The following ARHGAP10 variants were observed in gnomAD, a reference collection of about 807,000 sequenced individuals.
ARHGAP10 encodes rho GTPase-activating protein 10.
ARHGAP10 carries 87 observed loss-of-function variants against 108.6 expected under a neutral mutation model. The ratio of observed to expected loss-of-function variants is 0.80; its 90% confidence interval spans 0.67 to 0.96. ARHGAP10 has a LOEUF of 0.96. Among genes scored for constraint, ARHGAP10 ranks in the 40% least tolerant of loss-of-function variants. The pLI is 0.00. For missense variants in ARHGAP10, 939 were observed against 954.5 expected, an observed-to-expected ratio of 0.98 and a Z score of 0.21; for synonymous variants, 347 against 341.1, an observed-to-expected ratio of 1.02 and a Z score of -0.19.
chr4:147,979,116 ATT>A (rs1347119881), intron 18 of ARHGAP10, among the ~76,000 whole-genome samples: 1 of 151,930 alleles, frequency 6.6e-6, no homozygotes, highest in East Asian at 1.9e-4. Context: ...GTCTTCATAA[ATT>A]TTTTGCCTAG....
At chr4:147,798,721 GACACTCTCTCTCTCTCTCTCTC>G (rs1350481462) in intron 1 of ARHGAP10, among the ~76,000 whole-genome samples, 3 of 116,158 alleles carry the variant, frequency 2.6e-5, no homozygotes, top group African/African-American at 1.5e-4. Context: ...AGGAGTTTGA[GACACTCTCTCTCTCTCTCTCTC>G]TCTCTCTCTC....
intron 20 of ARHGAP10, among the ~76,000 whole-genome samples, chr4:148,058,883 A>G (rs148716174): frequency 2.2e-4 from 33 of 152,342 alleles, no homozygotes; most frequent in African/African-American, 7.7e-4. Context: ...CTCTTTTTAA[A>G]GAAGAGAGTT....
At chr4:147,764,099 G>A (rs767934361) in intron 1 of ARHGAP10, among the ~76,000 whole-genome samples, 2 of 152,138 alleles carry the variant, frequency 1.3e-5, no homozygotes, top group African/African-American at 4.8e-5. Flanking sequence ...ATCAAAATCA[G>A]CTGAATAGAG....
intron 1 of ARHGAP10, among the ~76,000 whole-genome samples, chr4:147,788,320 G>A (rs988551889): frequency 7.9e-5 from 12 of 152,044 alleles, no homozygotes; most frequent in East Asian, 1.9e-4. Context: ...GGTGGCATGC[G>A]CCTGTAATCT....
rs746062884 is a variant in ARHGAP10, at chr4:148,063,251, C to T, written c.2131C>T (p.Pro711Ser). ...GACACCTCTTTCACCCGGGTCGTCC[C>T]CTTTCCCCTTTTCTCCTCCTGCTAC... is the stretch of plus-strand genomic sequence containing the variant. The part of the protein sequence containing the change: ...AVTPLSPGSS[P>S]FPFSPPATVA... The change falls in exon 21 of 23, where the codon CCT (proline) becomes TCT (serine). Residue 711 changes from proline to serine, a missense_variant. Pro to Ser is a moderately conservative substitution (Grantham distance 74, BLOSUM62 -1). Coordinates refer to ENST00000336498, the MANE Select transcript of ARHGAP10 (RefSeq NM_024605.4). The T allele has an allele frequency of 6.2e-7, 1 of 1,614,190 alleles. No homozygotes were observed. The highest frequency in any genetic ancestry group is 1.3e-5 in the African/African-American group (1 of 75,042).
chr4:148,071,227 G>C (rs1291475863), intron 22 of ARHGAP10, among the ~76,000 whole-genome samples: 1 of 152,252 alleles, frequency 6.6e-6, no homozygotes, highest in Non-Finnish European at 1.5e-5. Flanking sequence ...ATTCACTGCA[G>C]TTGACATGCA....
At chr4:148,041,695 T>C (rs1426434737) in intron 19 of ARHGAP10, among the ~76,000 whole-genome samples, 1 of 152,224 alleles carries the variant, frequency 6.6e-6, no homozygotes, top group Non-Finnish European at 1.5e-5. Flanking sequence ...CTTGTTCATG[T>C]GCTCAGGCTC....
chr4:147,998,826 T>C (rs74331713), intron 18 of ARHGAP10, among the ~76,000 whole-genome samples: 6 of 152,232 alleles, frequency 3.9e-5, no homozygotes, highest in Non-Finnish European at 8.8e-5. Flanking sequence ...ATCTTAAAAT[T>C]TGTATTTTAG....
chr4:148,017,682 A>ATATATATATATATATATATATATGTGTG, intron 18 of ARHGAP10, among the ~76,000 whole-genome samples: 1 of 135,262 alleles, frequency 7.4e-6, no homozygotes, highest in African/African-American at 2.9e-5. Flanking sequence ...ATATATATAT[A>ATATATATATATATATATATATATGTGTG]TGTGTGTGTA....
intron 18 of ARHGAP10, among the ~76,000 whole-genome samples, chr4:148,010,668 G>A (rs905040468): frequency 6.6e-6 from 1 of 152,076 alleles, no homozygotes; most frequent in African/African-American, 2.4e-5. Flanking sequence ...AATTTGACAT[G>A]GTCACAATAC....
intron 15 of ARHGAP10, among the ~76,000 whole-genome samples, chr4:147,948,491 A>G (rs1738472177): frequency 6.6e-6 from 1 of 152,068 alleles, no homozygotes; most frequent in Non-Finnish European, 1.5e-5. Context: ...TTTAATCTCT[A>G]CATTTCCTCC....
intron 1 of ARHGAP10, among the ~76,000 whole-genome samples, chr4:147,781,267 C>G (rs1410966412): frequency 6.6e-6 from 1 of 152,044 alleles, no homozygotes; most frequent in East Asian, 1.9e-4. Context: ...TCACTTGAAC[C>G]CGGGAGGTGG....
At chr4:147,896,654 A>AT (rs1736003174) in intron 10 of ARHGAP10, among the ~76,000 whole-genome samples, 2 of 151,448 alleles carry the variant, frequency 1.3e-5, no homozygotes, top group Non-Finnish European at 2.9e-5. Flanking sequence ...TTCTGAATTT[A>AT]TTTTTTTTCA....
chr4:148,016,695 A>T (rs375713338), intron 18 of ARHGAP10, among the ~76,000 whole-genome samples: 27 of 152,218 alleles, frequency 1.8e-4, no homozygotes, highest in African/African-American at 6.0e-4. Context: ...GTCTACCTGG[A>T]GGTAGTGCCA....
intron 1 of ARHGAP10, among the ~76,000 whole-genome samples, chr4:147,766,827 TA>T (rs1560746998): frequency 7.2e-4 from 83 of 115,918 alleles, no homozygotes; most frequent in African/African-American, 2.6e-3. Context: ...TATATATATA[TA>T]TATATATATA....
intron 20 of ARHGAP10, among the ~76,000 whole-genome samples, chr4:148,061,312 T>C (rs1234105052): frequency 6.6e-6 from 1 of 152,142 alleles, no homozygotes; most frequent in Non-Finnish European, 1.5e-5. Flanking sequence ...TCTTCCTCCA[T>C]TCACACCCTC....
At chr4:148,050,465 C>T (rs372070060) in intron 20 of ARHGAP10, among the ~76,000 whole-genome samples, 2 of 148,842 alleles carry the variant, frequency 1.3e-5, no homozygotes, top group African/African-American at 4.9e-5. Context: ...GCTCCGCCTC[C>T]TGGGTTCACG....
intron 1 of ARHGAP10, among the ~76,000 whole-genome samples, chr4:147,772,907 T>C (rs766775620): frequency 6.6e-6 from 1 of 152,092 alleles, no homozygotes; most frequent in Non-Finnish European, 1.5e-5. Context: ...GTTTGAGTCA[T>C]TGGGTGGGCG....
intron 18 of ARHGAP10, among the ~76,000 whole-genome samples, chr4:147,983,330 C>T (rs909245465): frequency 5.3e-5 from 8 of 151,692 alleles, no homozygotes; most frequent in Non-Finnish European, 1.5e-5. Context: ...GGACTACAGG[C>T]GCCCGCCACC....
Sources: gnomAD v4.1 joint callset for allele counts (sites outside exome capture counted in the v4.1 genomes callset) on GRCh38, gnomAD v4.1.1 for gene constraint, MANE v1.5 for transcripts, NCBI Gene and HGNC (gene_info 2026-07-23, HGNC 2026-07-21) for gene names.